The following PRB4 variants were observed in gnomAD, a reference collection of about 807,000 sequenced individuals.
PRB4 encodes the protein basic salivary proline-rich protein 4.
PRB4 carries 14 observed loss-of-function variants against 9.1 expected under a neutral mutation model. That is an observed-to-expected ratio of 1.54 (90% CI 1.02 to 2.41). The LOEUF is 2.41. Ranked by LOEUF, PRB4 falls within the 30% of genes most tolerant of loss-of-function variation. The pLI is 0.00. For synonymous variants in PRB4, 102 were observed against 108.5 expected, an observed-to-expected ratio of 0.94 and a Z score of 0.37; for missense variants, 381 against 299.3, an observed-to-expected ratio of 1.27 and a Z score of -2.02.
In PRB4 at chr12:11,308,284, C is replaced by A. The variant is rs576626342; in HGVS notation, c.699G>T (p.Gly233=). Residue 233 remains glycine, a synonymous_variant, in exon 3 of 4, where the codon GGG becomes GGT. Coordinates refer to ENST00000279575, the MANE Select transcript of PRB4 (RefSeq NM_002723.6). ...KPQGPPPPPQ[G]GRPPRPAQGQ... ...CCTGGGCAGGTCTGGGTGGCCTGCC[C>A]CCTTGAGGAGGTGGAGGTGGCCCCT... 8.7e-6 allele frequency: 14 copies of A among 1,608,978 alleles called. No individual in the cohort carries two copies. In the East Asian group the frequency reaches 2.2e-4, roughly 26 times the overall value.
At chr12:11,309,461 A>C in intron 1 of PRB4, 56 bp from the exon 2 acceptor site, 1 of 1,613,872 alleles carries the variant, frequency 6.2e-7, no homozygotes, top group Non-Finnish European at 8.5e-7. Context: ...TTCAAGACTC[A>C]CAAGTGTTCT....
chr12:11,308,346 G>T lies in PRB4; in HGVS notation c.637C>A (p.Pro213Thr). 1 of 1,610,270 alleles carries T rather than the reference G, an allele frequency of 6.2e-7. No homozygotes were observed. Among genetic ancestry groups the T allele is most frequent in the Non-Finnish European group, 8.5e-7 (1 of 1,177,274 alleles). ...GCAGGAGGTGCCTGAGGCTGCTGGG[G>T]ATTGCCTCCTGCTGGGGGTGGGCCT... Reference protein sequence around the residue: ...PQGPPPAGGNPQQPQAPPAGK... With the variant: ...PQGPPPAGGNTQQPQAPPAGK... The change falls in exon 3 of 4, where the codon CCC becomes ACC. Residue 213 changes from proline to threonine, a missense_variant. Coordinates refer to ENST00000279575, the MANE Select transcript of PRB4 (RefSeq NM_002723.6).
chr12:11,308,401 A>T lies in PRB4; in HGVS notation c.582T>A (p.Pro194=). ...QGPPQQEGNK[P]QGPPPPGKPQ... The stretch of plus-strand genomic sequence containing the variant: ...GCTTTCCAGGAGGTGGGGGACCTTG[A>T]GGCTTGTTGCCTTCTTGTTGGGGTG... Residue 194 remains proline, a synonymous_variant, in exon 3 of 4, where the codon CCT becomes CCA. Coordinates refer to ENST00000279575, the MANE Select transcript of PRB4 (RefSeq NM_002723.6). 1 of 1,599,166 alleles carries T rather than the reference A, an allele frequency of 6.3e-7. No homozygotes were observed. Among genetic ancestry groups the T allele is most frequent in the Non-Finnish European group, 8.5e-7 (1 of 1,173,470 alleles).
Position 11,308,454 on chromosome 12 carries a change from G to A in PRB4, c.529C>T (p.Arg177Ter), listed in dbSNP as rs747416505. 11 of 1,613,810 alleles carry A rather than the reference G, an allele frequency of 6.8e-6. No individual in the cohort carries two copies. The highest frequency in any genetic ancestry group is 1.7e-5 in the Admixed American group (1 of 60,004). Reference protein sequence around the residue: ...PQEGNKSRSARSPPGKPQGPP... With the variant: ...PQEGNKSRSA Reference sequence around the variant, plus strand: ...CCTTGTGGCTTTCCTGGAGGAGATCGGGCACTTCGGGACTTGTTTCCTTCC... The same window carrying A: ...CCTTGTGGCTTTCCTGGAGGAGATCAGGCACTTCGGGACTTGTTTCCTTCC... The change falls in exon 3 of 4, where the codon CGA becomes TGA. Residue 177 changes from arginine to a stop codon, truncating the protein, a stop_gained. Transcript: ENST00000279575. LOFTEE classifies it low-confidence loss of function (END_TRUNC).
chr12:11,308,837 C>A lies in PRB4; in HGVS notation c.146G>T (p.Arg49Leu). Reference protein sequence around the residue: ...RRPQGGNQPQRPPPPPGKPQG... With the variant: ...RRPQGGNQPQLPPPPPGKPQG... ...TGGCTTTCCTGGAGGAGGTGGGGGACGTTGGGGCTGGTTTCCTCCTTGTGG... is the reference window on the plus strand; with the variant it reads ...TGGCTTTCCTGGAGGAGGTGGGGGAAGTTGGGGCTGGTTTCCTCCTTGTGG... Residue 49 changes from arginine (R) to leucine (L), a missense_variant, in exon 3 of 4, where the codon CGT becomes CTT. Arg to Leu is a moderately radical substitution (Grantham distance 102). This residue lies in a region of PRB4 where 151 missense variants were observed against 105.8 expected (regional missense o/e 1.43). Coordinates refer to ENST00000279575, the MANE Select transcript of PRB4 (RefSeq NM_002723.6). The A allele has an allele frequency of 1.3e-6, 2 of 1,591,816 alleles. No individual in the cohort carries two copies. Among genetic ancestry groups the A allele is most frequent in the Non-Finnish European group, 1.7e-6 (2 of 1,166,756 alleles).
chr12:11,307,730 A>G (rs1221419304), intron 3 of PRB4, among the ~76,000 whole-genome samples: 1 of 152,170 alleles, frequency 6.6e-6, no homozygotes, highest in African/African-American at 2.4e-5. Context: ...AATTAGCTTC[A>G]TATTTTTCCA....
At chr12:11,310,257 T>C (rs1486316588) in intron 1 of PRB4, 78 bp downstream of exon 1, 27 of 1,574,776 alleles carry the variant, frequency 1.7e-5, no homozygotes, top group Non-Finnish European at 2.2e-5. Flanking sequence ...GTTTTCATTC[T>C]CCTCTCTTCC....
chr12:11,310,329 T>C lies in PRB4; in HGVS notation c.64+6A>G. 1 of 1,614,184 alleles carries C rather than the reference T, an allele frequency of 6.2e-7. No individual in the cohort carries two copies. Reference sequence around the variant, plus strand: ...GTCACCGCATCTTTTCCCCCTTCTGTTTTACCTTCACTTGAACTCTCAGCT... The same window carrying C: ...GTCACCGCATCTTTTCCCCCTTCTGCTTTACCTTCACTTGAACTCTCAGCT... On this transcript the variant is annotated splice_donor_region_variant and intron_variant, in intron 1 of 3. Transcript: ENST00000279575.
At chr12:11,309,078 G>T (rs1228338734) in intron 2 of PRB4, among the ~76,000 whole-genome samples, 196 bp from the exon 3 acceptor site, 1 of 152,096 alleles carries the variant, frequency 6.6e-6, no homozygotes, top group African/African-American at 2.4e-5. Flanking sequence ...CTAAGGAGGA[G>T]TCAGAATAAG....
At chr12:11,310,287 C>A in intron 1 of PRB4, 48 bp downstream of exon 1, 1 of 1,607,182 alleles carries the variant, frequency 6.2e-7, no homozygotes, top group Admixed American at 1.7e-5. Flanking sequence ...CCACTGTCAC[C>A]TCCTAAGTCC....
chr12:11,308,419 T>C lies in PRB4; in HGVS notation c.564A>G (p.Gln188=). 6.2e-7 allele frequency: 1 copy of C among 1,613,516 alleles called. No homozygotes were observed. The change falls in exon 3 of 4, where the codon CAA becomes CAG. Residue 188 remains glutamine, a synonymous_variant. Transcript: ENST00000279575. ...SPPGKPQGPP[Q]QEGNKPQGPP... is the part of the protein sequence containing the mutation. ...GACCTTGAGGCTTGTTGCCTTCTTG[T>C]TGGGGTGGTCCTTGTGGCTTTCCTG...
chr12:11,309,629 T>A (rs1481630836), intron 1 of PRB4, among the ~76,000 whole-genome samples: 1 of 152,144 alleles, frequency 6.6e-6, no homozygotes, highest in Non-Finnish European at 1.5e-5. Context: ...AACAGCCCCT[T>A]TTTTTCCTCC....
chr12:11,309,391 C>G lies in PRB4; in HGVS notation c.79G>C (p.Glu27Gln). The G allele has an allele frequency of 6.2e-7, 1 of 1,614,138 alleles. No homozygotes were observed. The highest frequency in any genetic ancestry group is 8.5e-7 in the Non-Finnish European group (1 of 1,179,994). ...TTACCTGATATTAGGAAGAGAGATT[C>G]TTCCTGGCTGACATCTAGAAGAGAA... is the stretch of plus-strand genomic sequence containing the variant. ...ESSSEDVSQE[E>Q]SLFLISGKPE... Residue 27 changes from glutamate to glutamine, a missense_variant, in exon 2 of 4, where the codon GAA becomes CAA. Transcript: ENST00000279575.
At chr12:11,307,229 A>G (rs1862933794) in intron 3 of PRB4, 30 bp from the exon 4 acceptor site, 1 of 152,704 alleles carries the variant, frequency 6.5e-6, no homozygotes, top group Non-Finnish European at 1.5e-5. Flanking sequence ...AAGTTCATAG[A>G]TTCACTCTTT....
At position 11,310,325 on chromosome 12, in the gene PRB4, TC is replaced by T. The variant is rs1393602141; in HGVS notation, c.64+9del. 3.7e-6 allele frequency: 6 copies of T among 1,614,050 alleles called. No individual in the cohort carries two copies. The highest frequency in any genetic ancestry group is 3.4e-6 in the Non-Finnish European group (4 of 1,180,022). On this transcript the variant is annotated intron_variant, in intron 1 of 3. Coordinates refer to ENST00000279575, the MANE Select transcript of PRB4 (RefSeq NM_002723.6). ...AGCAGTCACCGCATCTTTTCCCCCT[TC>T]TGTTTTACCTTCACTTGAACTCTCA... is the stretch of plus-strand genomic sequence containing the variant.
chr12:11,307,448 C>T (rs1000575347), intron 3 of PRB4, among the ~76,000 whole-genome samples: 3 of 152,122 alleles, frequency 2.0e-5, no homozygotes, highest in African/African-American at 7.2e-5. Flanking sequence ...CATGGCACAG[C>T]TACACAATAG....
rs546117164 is a variant in PRB4, at chr12:11,308,429, C to G, written c.554G>C (p.Gly185Ala). The G allele has an allele frequency of 2.4e-5, 38 of 1,613,330 alleles. No individual in the cohort carries two copies. Among genetic ancestry groups the G allele is most frequent in the Admixed American group, 5.0e-5 (3 of 59,932 alleles). ...CTTGTTGCCTTCTTGTTGGGGTGGT[C>G]CTTGTGGCTTTCCTGGAGGAGATCG... The part of the protein sequence containing the change: ...SARSPPGKPQ[G>A]PPQQEGNKPQ... The change falls in exon 3 of 4, where the codon GGA becomes GCA. Residue 185 changes from glycine (G) to alanine (A), a missense_variant. By Grantham distance (60) the Gly-to-Ala change is moderately conservative. Around this residue, in one of 3 missense-constraint regions of PRB4, gnomAD observed 204 missense variants for 134.4 expected, o/e 1.52. Coordinates refer to ENST00000279575, the MANE Select transcript of PRB4 (RefSeq NM_002723.6).
intron 3 of PRB4, among the ~76,000 whole-genome samples, chr12:11,307,579 A>G (rs1157557816): frequency 6.6e-6 from 1 of 152,216 alleles, no homozygotes. Flanking sequence ...ATACCTGCAT[A>G]TAAGTTATGG....
chr12:11,308,309 TG>T lies in PRB4; in HGVS notation c.673del (p.Gln225ArgfsTer32). 6.2e-7 allele frequency: 1 copy of T among 1,610,144 alleles called. No homozygotes were observed. ...CCCTTGAGGAGGTGGAGGTGGCCCC[TG>T]GGGCTTTCCAGCAGGAGGTGCCTGA... ...QPQAPPAGKP[Q>X]GPPPPPQGGR... is the part of the protein sequence containing the mutation. On this transcript the variant is annotated frameshift_variant, in exon 3 of 4. Transcript: ENST00000279575. LOFTEE classifies it low-confidence loss of function (END_TRUNC).
Sources: allele counts gnomAD v4.1 joint callset (sites outside exome capture counted in the v4.1 genomes callset), GRCh38; gene constraint gnomAD v4.1.1; regional missense constraint gnomAD v4.1.1; transcripts MANE v1.5; gene names NCBI Gene and HGNC (gene_info 2026-07-23, HGNC 2026-07-21).